ATXN2: variants seen among roughly 807,000 people sequenced by gnomAD.
The protein encoded by ATXN2 is ataxin 2, also known as ataxin-2.
Under a neutral mutation model 138.6 loss-of-function variants are expected in ATXN2, and 37 were observed. The observed-to-expected ratio is 0.27, with a 90% CI of 0.21 to 0.35. The LOEUF (loss-of-function observed/expected upper bound fraction) is 0.35. ATXN2 is among the 10% of genes least tolerant of loss of function. The pLI is 1.00. For missense variants in ATXN2, 1,216 were observed against 1,480.3 expected, an observed-to-expected ratio of 0.82 and a Z score of 2.93; for synonymous variants, 549 against 543.7, an observed-to-expected ratio of 1.01 and a Z score of -0.13.
At chr12:111,496,401 T>C (rs1878422870) in intron 14 of ATXN2, among the ~76,000 whole-genome samples, 1 of 151,446 alleles carries the variant, frequency 6.6e-6, no homozygotes, top group Admixed American at 6.6e-5. Context: ...CCAGGAGTGG[T>C]GGTACATGCC....
chr12:111,480,249 T>G (rs1291311282), intron 18 of ATXN2, among the ~76,000 whole-genome samples: 1 of 152,222 alleles, frequency 6.6e-6, no homozygotes, highest in Non-Finnish European at 1.5e-5. Flanking sequence ...AGCATTTTCT[T>G]GTATGTAAAT....
chr12:111,568,261 AAAAACAAAAAAC>A (rs1385940959), intron 1 of ATXN2, among the ~76,000 whole-genome samples: 1 of 152,052 alleles, frequency 6.6e-6, no homozygotes, highest in Non-Finnish European at 1.5e-5. Context: ...ACTCTGTCTC[AAAAACAAAAAAC>A]AAAACAAAAA....
At chr12:111,581,657 A>T in intron 1 of ATXN2, 1 of 735,272 alleles carries the variant, frequency 1.4e-6, no homozygotes, top group Non-Finnish European at 2.5e-6. Flanking sequence ...TGGCGACCTG[A>T]TCAGGGCCCA....
chr12:111,599,379 CCG>C, upstream of ATXN2: 5 of 1,161,576 alleles, frequency 4.3e-6, no homozygotes, highest in Non-Finnish European at 5.3e-6. Flanking sequence ...GGTCCCGGGG[CCG>C]CGCCACCGCC....
intron 14 of ATXN2, among the ~76,000 whole-genome samples, chr12:111,506,266 G>T (rs1879099532): frequency 6.6e-6 from 1 of 152,142 alleles, no homozygotes; most frequent in Non-Finnish European, 1.5e-5. Context: ...TCTTTTGGGG[G>T]TGAAGAGTAT....
In ATXN2 at chr12:111,561,270, G is replaced by A. The variant is rs549786357; in HGVS notation, c.252-5351C>T. Among the ~76,000 whole-genome samples the A allele has an allele frequency of 1.5e-3, 223 of 152,040 alleles. 2 individuals are homozygous for A. The Middle Eastern group carries it at 0.037, about 26-fold the overall frequency. On this transcript the variant is annotated intron_variant, in intron 1 of 24. Transcript: ENST00000673436. ...GCACTTTGGGAGGCCAAGGCAGGTG[G>A]ATCACCTGAGGTCAGAGGTTCAAGA...
intron 1 of ATXN2, among the ~76,000 whole-genome samples, chr12:111,588,860 T>C (rs1884482279): frequency 6.6e-6 from 1 of 150,400 alleles, no homozygotes; most frequent in Non-Finnish European, 1.5e-5. Context: ...CCGGGCATGG[T>C]GGCGGGCGCA....
intron 15 of ATXN2, 108 bp downstream of exon 15, chr12:111,488,368 T>C: frequency 3.5e-6 from 4 of 1,156,280 alleles, no homozygotes; most frequent in Non-Finnish European, 4.8e-6. Flanking sequence ...ATGTATAAAG[T>C]AGTCTAAAAG....
At chr12:111,586,070 TG>T (rs897215857) in intron 1 of ATXN2, among the ~76,000 whole-genome samples, 1 of 151,668 alleles carries the variant, frequency 6.6e-6, no homozygotes, top group Admixed American at 6.6e-5. Flanking sequence ...CTAAATTTTT[TG>T]TATTAATATT....
chr12:111,504,524 A>G (rs577414646), intron 14 of ATXN2, among the ~76,000 whole-genome samples: 1 of 152,276 alleles, frequency 6.6e-6, no homozygotes, highest in Admixed American at 6.5e-5. Context: ...TCCTGACCTC[A>G]TGTGATCTGC....
At chr12:111,452,998 A>AG in intron 24 of ATXN2, 158 bp from the exon 25 acceptor site, 1 of 173,832 alleles carries the variant, frequency 5.8e-6, no homozygotes, top group South Asian at 1.3e-4. Flanking sequence ...CAAAGTGGGG[A>AG]GGGTTGGGTG....
chr12:111,513,287 T>C (rs1879650624), intron 11 of ATXN2, 70 bp downstream of exon 11: 2 of 1,520,918 alleles, frequency 1.3e-6, no homozygotes, highest in Middle Eastern at 2.3e-4. Context: ...AACAGAGTTG[T>C]AGCTCAGCCC....
At position 111,453,348 on chromosome 12, in the gene ATXN2, A is replaced by T; in HGVS notation, c.3439+329T>A. 3.6e-6 allele frequency: 4 copies of T among 1,101,342 alleles called. No homozygotes were observed. The highest frequency in any genetic ancestry group is 4.4e-6 in the Non-Finnish European group (4 of 904,880). 68.2% of individuals were successfully genotyped at this position (1,101,342 alleles called of 1,614,324 possible). A position where few individuals can be genotyped will look rare whatever the true frequency, so the allele number is the denominator to read the frequency against. On this transcript the variant is annotated intron_variant, in intron 24 of 24. Coordinates refer to ENST00000673436, the MANE Select transcript of ATXN2 (RefSeq NM_001372574.1). The surrounding 1 kb of genome is among the most constrained non-coding windows in gnomAD (Gnocchi z 5.4). Reference sequence around the variant, plus strand: ...ACCCCCCACATGTCAGACTTTTGGGACTCAGGAAGGAAAACACTGCCCTGT... The same window carrying T: ...ACCCCCCACATGTCAGACTTTTGGGTCTCAGGAAGGAAAACACTGCCCTGT...
intron 6 of ATXN2, among the ~76,000 whole-genome samples, chr12:111,521,545 A>T (rs894378001): frequency 1.4e-4 from 22 of 152,154 alleles, no homozygotes; most frequent in African/African-American, 5.3e-4. Flanking sequence ...GGAATGCTCA[A>T]ATGGGAAGGC....
intron 5 of ATXN2, among the ~76,000 whole-genome samples, chr12:111,541,881 A>G (rs193097290): frequency 0.011 from 1,665 of 148,060 alleles, 118 homozygotes; most frequent in Non-Finnish European, 0.015. Context: ...GGTTCGAGTA[A>G]TTCTCCTGCC....
At chr12:111,583,766 C>CAAAAA (rs748838859) in intron 1 of ATXN2, among the ~76,000 whole-genome samples, 53 of 58,064 alleles carry the variant, frequency 9.1e-4, no homozygotes, top group Middle Eastern at 0.037. Flanking sequence ...GACTCCGACT[C>CAAAAA]AAAAAAAAAA....
intron 1 of ATXN2, among the ~76,000 whole-genome samples, chr12:111,592,127 C>G (rs528139287): frequency 7.0e-6 from 1 of 143,142 alleles, no homozygotes; most frequent in Admixed American, 6.9e-5. Flanking sequence ...GGGTGGCTCA[C>G]GCCTGTAATC....
At chr12:111,480,439 C>G (rs2135689951) in intron 18 of ATXN2, among the ~76,000 whole-genome samples, 1 of 152,242 alleles carries the variant, frequency 6.6e-6, no homozygotes, top group East Asian at 1.9e-4. Context: ...TCCCAGGGTG[C>G]CAGGAGACAG....
intron 1 of ATXN2, among the ~76,000 whole-genome samples, chr12:111,590,514 G>A (rs111958545): frequency 1.1e-4 from 17 of 151,806 alleles, no homozygotes; most frequent in Admixed American, 1.1e-3. Context: ...GTGAAACCCC[G>A]TCTCTACTAA....
Sources: allele counts gnomAD v4.1 joint callset (sites outside exome capture counted in the v4.1 genomes callset), GRCh38; gene constraint gnomAD v4.1.1; non-coding constraint Gnocchi (gnomAD v3.1); transcripts MANE v1.5; gene names NCBI Gene and HGNC (gene_info 2026-07-23, HGNC 2026-07-21).